The following RAPGEF2 variants were observed in gnomAD, a reference collection of about 807,000 sequenced individuals.
RAPGEF2 encodes Rap guanine nucleotide exchange factor 2.
Under a neutral mutation model 186.7 loss-of-function variants are expected in RAPGEF2, and 54 were observed. The ratio of observed to expected loss-of-function variants is 0.29; its 90% CI spans 0.23 to 0.36. The LOEUF is 0.36. Ranked by LOEUF, RAPGEF2 falls within the 10% of genes least tolerant of loss-of-function variation. The probability of loss-of-function intolerance (pLI) is 1.00; values close to 1 mark genes in which losing one functional copy is unlikely to be tolerated. For missense variants in RAPGEF2, 1,532 were observed against 2,045.0 expected (o/e 0.75, Z 4.84); for synonymous variants, 712 against 705.9 (o/e 1.01, Z -0.14).
chr4:159,180,640 G>T (rs1746912293), intron 1 of RAPGEF2, among the ~76,000 whole-genome samples: 1 of 152,160 alleles, frequency 6.6e-6, no homozygotes. Flanking sequence ...TTATAGTCTG[G>T]TTTGATATAT....
intron 7 of RAPGEF2, among the ~76,000 whole-genome samples, chr4:159,255,339 T>C (rs1293067747): frequency 6.6e-6 from 1 of 151,694 alleles, no homozygotes. Flanking sequence ...TTTCTTTTGC[T>C]CTATTTTGAA....
chr4:159,112,718 A>G lies in RAPGEF2; in HGVS notation c.69+8487A>G, dbSNP rs1480167406. 4.6e-5 allele frequency among the ~76,000 whole-genome samples: 7 copies of G among 152,178 alleles called. No homozygotes were observed. The South Asian group carries it at 8.3e-4, about 18-fold the overall frequency. ...CCAGCAGGTAAACACCATAGTAGCA[A>G]TTGTTACAGGCAGGAATCATCAATG... On this transcript the variant is annotated intron_variant, in intron 1 of 29. Coordinates refer to ENST00000691494, the MANE Select transcript of RAPGEF2 (RefSeq NM_001394067.2).
intron 7 of RAPGEF2, among the ~76,000 whole-genome samples, chr4:159,261,531 A>G (rs761475088): frequency 2.6e-5 from 4 of 152,206 alleles, no homozygotes; most frequent in Non-Finnish European, 4.4e-5. Flanking sequence ...GTGAATATTA[A>G]TATTCCATTT....
intron 24 of RAPGEF2, 55 bp from the exon 25 acceptor site, chr4:159,346,734 T>G: frequency 7.0e-7 from 1 of 1,418,948 alleles, no homozygotes; most frequent in South Asian, 1.2e-5. Context: ...ATCTTCTACA[T>G]ACCTACTAGC....
intron 7 of RAPGEF2, among the ~76,000 whole-genome samples, chr4:159,304,020 T>A (rs755324985): frequency 2.0e-5 from 3 of 152,196 alleles, no homozygotes; most frequent in Non-Finnish European, 2.9e-5. Flanking sequence ...AATAGTACTG[T>A]AGCCTAATTT....
chr4:159,187,995 G>T (rs1452334146), intron 2 of RAPGEF2, among the ~76,000 whole-genome samples: 1 of 152,126 alleles, frequency 6.6e-6, no homozygotes, highest in Non-Finnish European at 1.5e-5. Flanking sequence ...TTAAATTAAA[G>T]TAGATTGTAG....
chr4:159,145,182 GT>G (rs1231441585), intron 1 of RAPGEF2, among the ~76,000 whole-genome samples: 4 of 150,072 alleles, frequency 2.7e-5, no homozygotes, highest in Non-Finnish European at 5.9e-5. Flanking sequence ...CATCTGGCCT[GT>G]TTTTTTTTCC....
intron 7 of RAPGEF2, among the ~76,000 whole-genome samples, chr4:159,250,034 TA>T (rs1337288098): frequency 6.6e-6 from 1 of 152,204 alleles, no homozygotes; most frequent in African/African-American, 2.4e-5. Context: ...ACACATAGGC[TA>T]AAAAATACCT....
At chr4:159,133,232 A>C (rs777230514) in intron 1 of RAPGEF2, among the ~76,000 whole-genome samples, 2 of 152,120 alleles carry the variant, frequency 1.3e-5, no homozygotes, top group Non-Finnish European at 2.9e-5. Context: ...AATACCCCTC[A>C]CATACCTGAC....
At chr4:159,248,614 A>T (rs369603360) in intron 7 of RAPGEF2, among the ~76,000 whole-genome samples, 1 of 152,226 alleles carries the variant, frequency 6.6e-6, no homozygotes, top group Non-Finnish European at 1.5e-5. Context: ...TAAAGCTGCT[A>T]TAGTGGTCTC....
intron 4 of RAPGEF2, among the ~76,000 whole-genome samples, chr4:159,235,026 C>G (rs1002314718): frequency 2.4e-4 from 37 of 152,164 alleles, no homozygotes; most frequent in African/African-American, 8.7e-4. Context: ...TTCCAAAGTG[C>G]TGGAATTACA....
intron 1 of RAPGEF2, among the ~76,000 whole-genome samples, chr4:159,104,983 T>G (rs1045877227): frequency 1.3e-5 from 2 of 152,230 alleles, no homozygotes; most frequent in African/African-American, 4.8e-5. Context: ...CGGATTCTTT[T>G]GGTGTTGCAC....
chr4:159,167,989 A>G (rs1745503141), intron 1 of RAPGEF2, among the ~76,000 whole-genome samples: 1 of 152,256 alleles, frequency 6.6e-6, no homozygotes, highest in South Asian at 2.1e-4. Flanking sequence ...AAATTTAAAA[A>G]TAAGGTGGTG....
intron 4 of RAPGEF2, among the ~76,000 whole-genome samples, chr4:159,217,586 T>A (rs973133269): frequency 7.9e-5 from 12 of 152,236 alleles, no homozygotes; most frequent in African/African-American, 2.7e-4. Flanking sequence ...ATTCCATGTC[T>A]TTGCTATGGT....
intron 7 of RAPGEF2, among the ~76,000 whole-genome samples, chr4:159,273,636 TTC>T (rs1758411680): frequency 1.5e-5 from 1 of 66,660 alleles, no homozygotes; most frequent in Non-Finnish European, 3.2e-5. Flanking sequence ...GTTTCTTTCT[TTC>T]TTTCTTTCTT....
intron 1 of RAPGEF2, among the ~76,000 whole-genome samples, chr4:159,177,418 C>CT (rs1468988358): frequency 1.3e-5 from 2 of 152,098 alleles, no homozygotes. Context: ...AGTACTGAAA[C>CT]TATGTGTAAT....
intron 4 of RAPGEF2, among the ~76,000 whole-genome samples, chr4:159,224,310 T>TA (rs1330509965): frequency 1.3e-5 from 2 of 152,330 alleles, no homozygotes; most frequent in East Asian, 3.9e-4. Flanking sequence ...GAACATAAAG[T>TA]AATTTTAGTC....
intron 1 of RAPGEF2, among the ~76,000 whole-genome samples, chr4:159,104,530 G>C (rs868393020): frequency 4.9e-5 from 6 of 121,408 alleles, no homozygotes; most frequent in African/African-American, 1.8e-4. Flanking sequence ...GAGAGAGGGA[G>C]AGACAGAGAG....
chr4:159,116,073 A>G (rs1739018206), intron 1 of RAPGEF2, among the ~76,000 whole-genome samples: 1 of 152,214 alleles, frequency 6.6e-6, no homozygotes, highest in South Asian at 2.1e-4. Context: ...CAGCAAAAGC[A>G]ACAATTGACA....
Sources: allele counts gnomAD v4.1 joint callset (sites outside exome capture counted in the v4.1 genomes callset), GRCh38; gene constraint gnomAD v4.1.1; transcripts MANE v1.5; gene names NCBI Gene and HGNC (gene_info 2026-07-23, HGNC 2026-07-21).